The following TP53BP2 variants were observed in gnomAD, a reference collection of about 807,000 sequenced individuals.
TP53BP2 encodes the protein apoptosis-stimulating of p53 protein 2.
In TP53BP2, 62 loss-of-function variants were observed where a neutral mutation model predicts 126.2. The observed-to-expected ratio is 0.49, with a 90% CI of 0.40 to 0.61. The LOEUF is 0.61. TP53BP2 is among the 20% of genes least tolerant of loss of function. The pLI is 0.00. For missense variants in TP53BP2, 1,215 were observed against 1,402.8 expected, an observed-to-expected ratio of 0.87 and a Z score of 2.14; for synonymous variants, 485 against 502.9, an observed-to-expected ratio of 0.96 and a Z score of 0.48.
At position 223,845,692 on chromosome 1, in the gene TP53BP2, G is replaced by A; in HGVS notation, c.-12C>T. 1.3e-6 allele frequency: 2 copies of A among 1,543,348 alleles called. No homozygotes were observed. Among genetic ancestry groups the A allele is most frequent in the South Asian group, 1.2e-5 (1 of 84,408 alleles). ...GACCCGAACCGCATGGAAGCGGGTG[G>A]CCAGACTGCGGCCCCGGCCGAGCTG... On this transcript the variant is annotated 5_prime_UTR_variant, in exon 1 of 18. Transcript: ENST00000343537.
chr1:223,799,749 G>T, intron 11 of TP53BP2, 150 bp downstream of exon 11: 1 of 720,410 alleles, frequency 1.4e-6, no homozygotes, highest in Non-Finnish European at 2.0e-6. Flanking sequence ...TCACGCAAGA[G>T]AAATTAAAAT....
intron 1 of TP53BP2, among the ~76,000 whole-genome samples, chr1:223,823,931 A>T (rs1663402782): frequency 6.6e-6 from 1 of 152,196 alleles, no homozygotes; most frequent in South Asian, 2.1e-4. Flanking sequence ...TATATGCTAA[A>T]CACACACCTT....
chr1:223,789,817 T>C (rs12723025), intron 15 of TP53BP2, among the ~76,000 whole-genome samples: 9,120 of 152,208 alleles, frequency 0.06, 390 homozygotes, highest in Middle Eastern at 0.17. Context: ...ATCTCAAATG[T>C]TTTATAATAG....
intron 1 of TP53BP2, among the ~76,000 whole-genome samples, chr1:223,822,124 G>A (rs112505005): frequency 0.039 from 5,876 of 152,080 alleles, 373 homozygotes; most frequent in African/African-American, 0.13. Context: ...ATGTTGGCCA[G>A]GCTGGTTTCA....
At chr1:223,781,313 T>A (rs758184823) in intron 17 of TP53BP2, among the ~76,000 whole-genome samples, 2 of 152,386 alleles carry the variant, frequency 1.3e-5, no homozygotes, top group Middle Eastern at 3.4e-3. Flanking sequence ...TTTACCTTTA[T>A]TCACAATGGA....
chr1:223,812,604 A>G (rs1456725595), intron 3 of TP53BP2, among the ~76,000 whole-genome samples: 3 of 151,914 alleles, frequency 2.0e-5, no homozygotes, highest in Non-Finnish European at 4.4e-5. Context: ...CTGTGTCGCC[A>G]GGCTGCAGTG....
At chr1:223,794,625 G>A (rs1163376949) in intron 13 of TP53BP2, among the ~76,000 whole-genome samples, 1 of 152,154 alleles carries the variant, frequency 6.6e-6, no homozygotes, top group East Asian at 1.9e-4. Flanking sequence ...CAACAAAAAG[G>A]CCAGAAAATA....
At chr1:223,809,304 C>T (rs1050088223) in intron 4 of TP53BP2, among the ~76,000 whole-genome samples, 21 of 152,114 alleles carry the variant, frequency 1.4e-4, no homozygotes, top group African/African-American at 3.9e-4. Flanking sequence ...CCATGGCTAA[C>T]GTCCGTAATC....
At chr1:223,788,339 CCTT>C (rs1331260851) in intron 16 of TP53BP2, among the ~76,000 whole-genome samples, 7 of 152,172 alleles carry the variant, frequency 4.6e-5, no homozygotes, top group Non-Finnish European at 1.0e-4. Flanking sequence ...TGTCTTCCCT[CCTT>C]CTTTAATTCC....
At chr1:223,804,639 A>G (rs1448509327) in intron 5 of TP53BP2, among the ~76,000 whole-genome samples, 1 of 152,250 alleles carries the variant, frequency 6.6e-6, no homozygotes, top group South Asian at 2.1e-4. Context: ...TAGTTTTCAT[A>G]AACTGTTGCA....
At chr1:223,831,474 AAAAAAAATATATATATATATAT>A (rs1166949993) in intron 1 of TP53BP2, among the ~76,000 whole-genome samples, 5 of 72,210 alleles carry the variant, frequency 6.9e-5, no homozygotes, top group African/African-American at 1.8e-4. Flanking sequence ...TCTAAAAAAA[AAAAAAAATATATATATATATAT>A]ATATATATAT....
intron 2 of TP53BP2, 54 bp downstream of exon 2, chr1:223,821,166 C>T: frequency 6.2e-7 from 1 of 1,610,614 alleles, no homozygotes; most frequent in Non-Finnish European, 8.5e-7. Context: ...GTCTACAAAC[C>T]AACATTAATA....
At chr1:223,810,559 G>C (rs1470287830) in intron 3 of TP53BP2, 46 bp from the exon 4 acceptor site, 2 of 1,285,220 alleles carry the variant, frequency 1.6e-6, no homozygotes, top group Admixed American at 4.6e-5. Context: ...AGAGTTGACA[G>C]ATATTTTAAG....
intron 1 of TP53BP2, chr1:223,825,935 G>A (rs1172218340): frequency 6.6e-6 from 1 of 152,336 alleles, no homozygotes; most frequent in Non-Finnish European, 1.5e-5. Context: ...AACCTCCTAA[G>A]GCACAAAGCA....
intron 2 of TP53BP2, among the ~76,000 whole-genome samples, chr1:223,816,711 A>G (rs16842291): frequency 0.017 from 2,618 of 152,276 alleles, 82 homozygotes; most frequent in African/African-American, 0.06. Flanking sequence ...AACTGATATA[A>G]CCTTTGCAGA....
rs552469563 is a variant in TP53BP2, at chr1:223,790,501, G to A, written c.2997-1327C>T. Among the ~76,000 whole-genome samples the A allele has an allele frequency of 2.6e-5, 4 of 151,944 alleles. No individual in the cohort carries two copies. The East Asian group carries it at 7.7e-4, about 29-fold the overall frequency. On this transcript the variant is annotated intron_variant, in intron 15 of 17. Coordinates refer to ENST00000343537, the MANE Select transcript of TP53BP2 (RefSeq NM_001031685.3). ...CAGCCCAGAGGGCAGAAGTTACAGT[G>A]AGCCAAGATTGTGCCACTGCACTCC... is the stretch of plus-strand genomic sequence containing the variant.
chr1:223,844,750 T>C (rs1361645695), intron 1 of TP53BP2, among the ~76,000 whole-genome samples: 1 of 152,304 alleles, frequency 6.6e-6, no homozygotes, highest in East Asian at 1.9e-4. Context: ...CTGCAAACTT[T>C]GTCATCACTC....
intron 4 of TP53BP2, 58 bp downstream of exon 4, chr1:223,810,373 A>T (rs1662870455): frequency 1.6e-6 from 2 of 1,269,936 alleles, no homozygotes; most frequent in African/African-American, 3.0e-5. Flanking sequence ...ATAAGATTTA[A>T]AGTTAAAAAA....
intron 2 of TP53BP2, 64 bp downstream of exon 2, chr1:223,821,156 G>GTCTACAAACCAACAT: frequency 6.2e-7 from 1 of 1,603,084 alleles, no homozygotes; most frequent in Non-Finnish European, 8.5e-7. Context: ...ACAGTGCCAC[G>GTCTACAAACCAACAT]TCTACAAACC....
Sources: allele counts gnomAD v4.1 joint callset (sites outside exome capture counted in the v4.1 genomes callset), GRCh38; gene constraint gnomAD v4.1.1; transcripts MANE v1.5; gene names NCBI Gene and HGNC (gene_info 2026-07-23, HGNC 2026-07-21).